LLGL1: variants seen among roughly 807,000 people sequenced by gnomAD.
The protein encoded by LLGL1 is LLGL scribble cell polarity complex component 1.
A neutral mutation model predicts 110.6 loss-of-function variants in LLGL1; 58 were observed. That is an observed-to-expected ratio of 0.52 (90% CI 0.42 to 0.65). LLGL1 has a LOEUF of 0.65. LLGL1 is among the 30% of genes least tolerant of loss of function. The pLI, the probability that LLGL1 is intolerant of heterozygous loss-of-function variation, is 0.00. For synonymous variants in LLGL1, 674 were observed against 607.2 expected, an observed-to-expected ratio of 1.11 and a Z score of -1.62; for missense variants, 1,229 against 1,462.1, an observed-to-expected ratio of 0.84 and a Z score of 2.60.
At chr17:18,235,567 G>A (rs2047674790) in intron 11 of LLGL1, 30 bp downstream of exon 11, 3 of 1,604,870 alleles carry the variant, frequency 1.9e-6, no homozygotes, top group Non-Finnish European at 2.6e-6. Flanking sequence ...TGGGTGAGTG[G>A]GCCCCTTGCT....
chr17:18,242,299 G>T (rs1337408580), intron 20 of LLGL1, 21 bp downstream of exon 20: 2 of 1,603,004 alleles, frequency 1.2e-6, no homozygotes, highest in Non-Finnish European at 1.7e-6. Context: ...CATGAAAGGG[G>T]TCCAGACCCT....
chr17:18,242,704 C>A, intron 21 of LLGL1, 39 bp from the exon 22 acceptor site: 1 of 1,559,806 alleles, frequency 6.4e-7, no homozygotes, highest in South Asian at 1.2e-5. Context: ...GCCAGGGGCT[C>A]CCCCGCCCCC....
At chr17:18,242,075 T>C in intron 19 of LLGL1, 76 bp downstream of exon 19, 1 of 1,536,316 alleles carries the variant, frequency 6.5e-7, no homozygotes, top group Non-Finnish European at 9.0e-7. Flanking sequence ...GAGATCTGCC[T>C]TCCCTGGGCT....
intron 1 of LLGL1, among the ~76,000 whole-genome samples, chr17:18,226,053 ACT>A (rs2047433454): frequency 1.4e-5 from 2 of 147,504 alleles, no homozygotes; most frequent in Admixed American, 6.7e-5. Flanking sequence ...TGTCTCTGAG[ACT>A]CTTTGCCTGT....
intron 15 of LLGL1, 99 bp downstream of exon 15, chr17:18,238,313 C>T: frequency 6.3e-7 from 1 of 1,578,970 alleles, no homozygotes; most frequent in Middle Eastern, 1.7e-4. Context: ...CAGTGCTCCT[C>T]CCTCGGCAGC....
Position 18,240,828 on chromosome 17 carries a change from G to T in LLGL1, c.2457G>T (p.Met819Ile), listed in dbSNP as rs902971774. The change falls in exon 17 of 23, where the codon ATG becomes ATT. Residue 819 changes from methionine (M) to isoleucine (I), a missense_variant. Physicochemically the swap from Met to Ile is conservative, Grantham distance 10 (BLOSUM62 1). Coordinates refer to ENST00000316843, the MANE Select transcript of LLGL1 (RefSeq NM_004140.4). This position sits in a 1 kb window ranked among gnomAD's most constrained non-coding sequence, Gnocchi z 5.3. ...GGGACCTGGCGCAGGCACCTGACAT[G>T]CAGGGTGGTCACGCTGTGCTCATCG... is the stretch of plus-strand genomic sequence containing the variant. ...ASRDLAQAPD[M>I]QGGHAVLIAS... 6.4e-7 allele frequency: 1 copy of T among 1,568,458 alleles called. No homozygotes were observed. The highest frequency in any genetic ancestry group is 1.4e-5 in the African/African-American group (1 of 73,730).
intron 2 of LLGL1, among the ~76,000 whole-genome samples, chr17:18,230,312 A>G (rs2047539825): frequency 1.3e-5 from 2 of 152,070 alleles, no homozygotes; most frequent in African/African-American, 4.8e-5. Flanking sequence ...CCAGCCAGTT[A>G]CCTAGGCGAC....
intron 2 of LLGL1, among the ~76,000 whole-genome samples, chr17:18,231,952 C>G (rs930138619): frequency 2.0e-5 from 3 of 152,148 alleles, no homozygotes; most frequent in African/African-American, 7.2e-5. Flanking sequence ...GCCACCGTGC[C>G]CAGAGGAGGT....
At position 18,240,918 on chromosome 17, in the gene LLGL1, A is replaced by G; in HGVS notation, c.2502+45A>G. 1 of 1,472,656 alleles carries G rather than the reference A, an allele frequency of 6.8e-7. No individual in the cohort carries two copies. Among genetic ancestry groups the G allele is most frequent in the Non-Finnish European group, 9.1e-7 (1 of 1,101,030 alleles). The allele number at this position is 1,472,656 out of a possible 1,614,324, so 91.2% of individuals were successfully genotyped here. A position where few individuals can be genotyped will look rare whatever the true frequency, so the allele number is the denominator to read the frequency against. On this transcript the variant is annotated intron_variant, in intron 17 of 22. Transcript: ENST00000316843. This position sits in a 1 kb window ranked among gnomAD's most constrained non-coding sequence, Gnocchi z 5.3. The stretch of plus-strand genomic sequence containing the variant: ...GGGGGACTCTGGGGGACTCCCCTCC[A>G]GGCCCCAACCTCATGGACACCATTG...
chr17:18,238,840 G>A (rs745928462), intron 16 of LLGL1, among the ~76,000 whole-genome samples: 2 of 152,112 alleles, frequency 1.3e-5, no homozygotes, highest in Admixed American at 6.5e-5. Flanking sequence ...GTGAAACCTC[G>A]TCTCTACTAA....
At chr17:18,227,802 C>T (rs772305661) in intron 1 of LLGL1, among the ~76,000 whole-genome samples, 8 of 152,140 alleles carry the variant, frequency 5.3e-5, no homozygotes, top group Non-Finnish European at 1.0e-4. Context: ...AAGTAAGGGC[C>T]CTCCGCTGAG....
In LLGL1 at chr17:18,242,201, C is replaced by G; in HGVS notation, c.2918C>G (p.Ala973Gly). 6.2e-7 allele frequency: 1 copy of G among 1,614,072 alleles called. No homozygotes were observed. Among genetic ancestry groups the G allele is most frequent in the Non-Finnish European group, 8.5e-7 (1 of 1,179,984 alleles). Reference protein sequence around the residue: ...RIRESPKLSQANGTPSILLAP... With the variant: ...RIRESPKLSQGNGTPSILLAP... ...CGAGAGTCACCCAAGCTGAGCCAGG[C>G]TAACGGGACCCCAAGCATCCTGCTG... Residue 973 changes from alanine (A) to glycine (G), a missense_variant, in exon 20 of 23, where the codon GCT becomes GGT. Physicochemically the swap from Ala to Gly is moderately conservative, Grantham distance 60. Coordinates refer to ENST00000316843, the MANE Select transcript of LLGL1 (RefSeq NM_004140.4).
At chr17:18,225,808 A>C in intron 1 of LLGL1, 45 bp downstream of exon 1, 13 of 447,402 alleles carry the variant, frequency 2.9e-5, no homozygotes, top group South Asian at 9.1e-5. Context: ...AGGGGGCGGG[A>C]CGGGGGCCTG....
chr17:18,238,019 G>A (rs1353050471), intron 14 of LLGL1, 48 bp from the exon 15 acceptor site: 1 of 1,599,210 alleles, frequency 6.3e-7, no homozygotes, highest in Non-Finnish European at 8.5e-7. Context: ...TGTGGTGGCT[G>A]CCCCAGGAGG....
chr17:18,234,001 C>T lies in LLGL1; in HGVS notation c.552-12C>T. On this transcript the variant is annotated splice_polypyrimidine_tract_variant and intron_variant, in intron 5 of 22. Transcript: ENST00000316843. The stretch of plus-strand genomic sequence containing the variant: ...CGGGAAGTTCTGCTGGCTCACCTGC[C>T]TTCCTCCACAGCGTGCCAGACGACT... 3.1e-6 allele frequency: 5 copies of T among 1,594,154 alleles called. No individual in the cohort carries two copies. Among genetic ancestry groups the T allele is most frequent in the South Asian group, 1.1e-5 (1 of 89,592 alleles).
rs750986612 is a variant in LLGL1, at chr17:18,238,557, C to T, written c.2154C>T (p.Ser718=). ...RRIEPRSADD[S]LSGVVRCLYF... is the part of the protein sequence containing the mutation. ...TTGAGCCCCGCTCTGCCGATGACTC[C>T]TTGTCGGGTGTCGTGCGTTGCCTAT... Residue 718 remains serine (S), a synonymous_variant, in exon 16 of 23, where the codon TCC becomes TCT. Transcript: ENST00000316843. 3 of 1,613,030 alleles carry T rather than the reference C, an allele frequency of 1.9e-6. No individual in the cohort carries two copies. Among genetic ancestry groups the T allele is most frequent in the South Asian group, 2.2e-5 (2 of 91,082 alleles).
chr17:18,236,793 C>T, intron 12 of LLGL1, 33 bp downstream of exon 12: 1 of 1,612,588 alleles, frequency 6.2e-7, no homozygotes, highest in East Asian at 2.2e-5. Flanking sequence ...ATGAGCTGGT[C>T]CTGACCCCGC....
intron 1 of LLGL1, among the ~76,000 whole-genome samples, chr17:18,226,204 C>T (rs2142525663): frequency 6.6e-6 from 1 of 152,232 alleles, no homozygotes; most frequent in East Asian, 1.9e-4. Context: ...CCTCTCATTT[C>T]TCTTGCTGCC....
At chr17:18,243,266 C>T (rs2047890871) in intron 22 of LLGL1, among the ~76,000 whole-genome samples, 1 of 152,174 alleles carries the variant, frequency 6.6e-6, no homozygotes, top group Admixed American at 6.5e-5. Context: ...CGCCACCACA[C>T]CCAGCTAATT....
Sources: allele counts gnomAD v4.1 joint callset (sites outside exome capture counted in the v4.1 genomes callset), GRCh38; gene constraint gnomAD v4.1.1; non-coding constraint Gnocchi (gnomAD v3.1); transcripts MANE v1.5; gene names NCBI Gene and HGNC (gene_info 2026-07-23, HGNC 2026-07-21).